The following MSR1 variants were observed in gnomAD, a reference collection of about 807,000 sequenced individuals.
MSR1 encodes the protein macrophage scavenger receptor types I and II.
Under a neutral mutation model 47.2 loss-of-function variants are expected in MSR1, and 53 were observed. That is an observed-to-expected ratio of 1.12 (90% CI 0.90 to 1.41). The LOEUF (loss-of-function observed/expected upper bound fraction) is 1.41, where lower values mean the gene tolerates loss of function less well. Ranked by LOEUF, MSR1 falls within the 40% of genes most tolerant of loss-of-function variation. MSR1 has a pLI of 0.00. For synonymous variants in MSR1, 239 were observed against 185.6 expected (o/e 1.29, Z -2.34); for missense variants, 786 against 546.9 (o/e 1.44, Z -4.36).
chr8:16,118,211 T>C (rs981769299), intron 9 of MSR1, among the ~76,000 whole-genome samples: 6 of 152,152 alleles, frequency 3.9e-5, no homozygotes, highest in Non-Finnish European at 8.8e-5. Context: ...AAAGCACATC[T>C]TGAGAATCCA....
intron 1 of MSR1, among the ~76,000 whole-genome samples, chr8:16,189,754 A>G (rs1318034782): frequency 7.8e-6 from 1 of 127,904 alleles, no homozygotes; most frequent in Admixed American, 8.9e-5. Context: ...ATCTTATTTT[A>G]TATATATTTT....
intron 9 of MSR1, among the ~76,000 whole-genome samples, chr8:16,119,985 G>T (rs902044447): frequency 2.6e-5 from 4 of 151,468 alleles, no homozygotes; most frequent in African/African-American, 7.3e-5. Flanking sequence ...CAAAGTGCTG[G>T]GACTACAAGC....
chr8:16,153,316 C>T (rs1006650473), intron 6 of MSR1, among the ~76,000 whole-genome samples: 1 of 151,966 alleles, frequency 6.6e-6, no homozygotes, highest in Admixed American at 6.6e-5. Context: ...CAGAATGCAG[C>T]AAGACATCCA....
chr8:16,113,441 G>A (rs1025814704), intron 9 of MSR1, among the ~76,000 whole-genome samples: 2 of 152,116 alleles, frequency 1.3e-5, no homozygotes, highest in Admixed American at 6.5e-5. Context: ...ATCATTAATA[G>A]TTAAAAGTGC....
intron 1 of MSR1, among the ~76,000 whole-genome samples, chr8:16,187,405 G>C (rs201084744): frequency 1.5e-4 from 6 of 40,932 alleles, no homozygotes; most frequent in Non-Finnish European, 3.0e-4. Context: ...GAAAGAAAAA[G>C]CAAGCAAGCA....
chr8:16,133,459 G>T (rs1800312614), intron 8 of MSR1, among the ~76,000 whole-genome samples: 1 of 152,122 alleles, frequency 6.6e-6, no homozygotes. Context: ...ATGAGCAAGA[G>T]CATTGTCATG....
At chr8:16,139,330 G>C (rs1473002215) in intron 8 of MSR1, 1 of 976,796 alleles carries the variant, frequency 1.0e-6, no homozygotes, top group African/African-American at 1.8e-5. Context: ...CATCTTTAAA[G>C]GACTTTATGA....
intron 7 of MSR1, 103 bp downstream of exon 7, chr8:16,150,126 GTA>G (rs1554468188): frequency 1.9e-5 from 4 of 206,086 alleles, no homozygotes; most frequent in African/African-American, 3.8e-5. Context: ...ATGTGTGTGT[GTA>G]TGTGTGTGTG....
intron 5 of MSR1, among the ~76,000 whole-genome samples, chr8:16,159,401 G>T (rs745470703): frequency 3.3e-5 from 5 of 151,686 alleles, no homozygotes; most frequent in Admixed American, 3.3e-4. Flanking sequence ...TTTCCACAAT[G>T]AAATTTTATG....
At chr8:16,139,061 T>G (rs1297507106) in intron 8 of MSR1, among the ~76,000 whole-genome samples, 1 of 152,208 alleles carries the variant, frequency 6.6e-6, no homozygotes, top group Non-Finnish European at 1.5e-5. Flanking sequence ...TAGTAGCTTC[T>G]TTTATTTATA....
intron 1 of MSR1, among the ~76,000 whole-genome samples, chr8:16,182,762 G>C (rs1051133395): frequency 2.0e-5 from 3 of 151,950 alleles, no homozygotes; most frequent in African/African-American, 7.3e-5. Context: ...CCTTCTTCCA[G>C]AATACCTCCT....
At chr8:16,131,984 C>T (rs1800271029) in intron 8 of MSR1, among the ~76,000 whole-genome samples, 2 of 149,502 alleles carry the variant, frequency 1.3e-5, no homozygotes, top group South Asian at 4.2e-4. Context: ...GTTCCATATA[C>T]ACTTTACAAT....
chr8:16,168,848 C>A lies in MSR1; in HGVS notation c.240G>T (p.Thr80=), dbSNP rs749203568. 1 of 1,613,444 alleles carries A rather than the reference C, an allele frequency of 6.2e-7. No individual in the cohort carries two copies. The highest frequency in any genetic ancestry group is 8.5e-7 in the Non-Finnish European group (1 of 1,179,974). Residue 80 remains threonine, a synonymous_variant, in exon 4 of 10, where the codon ACG becomes ACT. Coordinates refer to ENST00000262101, the MANE Select transcript of MSR1 (RefSeq NM_138715.3). The stretch of plus-strand genomic sequence containing the variant: ...TAGTTGAACTAACTGAGCAATTCTT[C>A]GTTTCCCACTTCAGGAGTTGAGCTG... ...IVAAQLLKWE[T]KNCSVSSTNA... is the part of the protein sequence containing the mutation.
chr8:16,122,129 T>A (rs974432510), intron 8 of MSR1, among the ~76,000 whole-genome samples: 4 of 152,144 alleles, frequency 2.6e-5, no homozygotes, highest in Non-Finnish European at 4.4e-5. Context: ...ACTGATTTAG[T>A]GTAAGCATGC....
chr8:16,181,059 C>T (rs986050141), intron 1 of MSR1, among the ~76,000 whole-genome samples: 13 of 152,078 alleles, frequency 8.5e-5, no homozygotes, highest in African/African-American at 3.1e-4. Context: ...TATTTCCTCC[C>T]TTTATTAGAT....
chr8:16,158,951 T>TC (rs1491282278), intron 5 of MSR1, among the ~76,000 whole-genome samples: 1 of 145,632 alleles, frequency 6.9e-6, no homozygotes, highest in Non-Finnish European at 1.5e-5. Context: ...TTTTTTTTTT[T>TC]CAGAGATAGG....
chr8:16,151,761 G>C lies in MSR1; in HGVS notation c.899-1450C>G, dbSNP rs184307107. 2.0e-5 allele frequency among the ~76,000 whole-genome samples: 3 copies of C among 152,172 alleles called. No homozygotes were observed. In the East Asian group the frequency reaches 5.8e-4, roughly 29 times the overall value. Reference sequence around the variant, plus strand: ...TGATCAAATCACTTACATAAAGCTGGTCTGATAATTATTCACATGTCCTAG... The same window carrying C: ...TGATCAAATCACTTACATAAAGCTGCTCTGATAATTATTCACATGTCCTAG... On this transcript the variant is annotated intron_variant, in intron 6 of 9. Coordinates refer to ENST00000262101, the MANE Select transcript of MSR1 (RefSeq NM_138715.3).
At position 16,168,547 on chromosome 8, in the gene MSR1, T is replaced by C. The variant is rs113250199; in HGVS notation, c.541A>G (p.Ile181Val). Residue 181 changes from isoleucine to valine, a missense_variant, in exon 4 of 10, where the codon ATA (isoleucine) becomes GTA (valine). Transcript: ENST00000262101. ...TCAAGCAATGTGGTATTCAAACTTA[T>C]TAAGGACTTGGAGATTTCATCTATT... ...NAIDEISKSL[I>V]SLNTTLLDLQ... 220 of 1,614,136 alleles carry C rather than the reference T, an allele frequency of 1.4e-4. No homozygotes were observed. The African/African-American group carries it at 2.5e-3, about 18-fold the overall frequency.
intron 9 of MSR1, among the ~76,000 whole-genome samples, chr8:16,113,190 C>T (rs1436129429): frequency 6.6e-6 from 1 of 151,882 alleles, no homozygotes; most frequent in Non-Finnish European, 1.5e-5. Flanking sequence ...CCTTGTGATC[C>T]ACCCACCTCA....
Sources: gnomAD v4.1 joint callset for allele counts (sites outside exome capture counted in the v4.1 genomes callset) on GRCh38, gnomAD v4.1.1 for gene constraint, MANE v1.5 for transcripts, NCBI Gene and HGNC (gene_info 2026-07-23, HGNC 2026-07-21) for gene names.